Variants in TMEM272 observed in about 807,000 individuals in gnomAD.
TMEM272 encodes long intergenic non-protein coding RNA 282.
In TMEM272, 8 loss-of-function variants were observed where a neutral mutation model predicts 3.7. The observed-to-expected ratio is 2.17, with a 90% CI of 1.27 to 3.91. TMEM272 has a LOEUF of 3.91. Among genes scored for constraint, TMEM272 ranks in the 30% most tolerant of loss-of-function variants. The pLI is 0.00. For missense variants in TMEM272, 166 were observed against 91.5 expected, an observed-to-expected ratio of 1.81 and a Z score of -3.32; for synonymous variants, 63 against 39.8, an observed-to-expected ratio of 1.58 and a Z score of -2.20.
chr13:51,870,070 C>G, the TMEM272 span, among the ~76,000 whole-genome samples: 15 of 152,144 alleles, frequency 9.9e-5, no homozygotes, highest in Non-Finnish European at 1.8e-4. Flanking sequence ...TTTATGGTGG[C>G]TTTTGTGGTT....
chr13:51,901,008 G>A, the TMEM272 span, among the ~76,000 whole-genome samples: 1 of 152,138 alleles, frequency 6.6e-6, no homozygotes, highest in East Asian at 1.9e-4. Context: ...AGAGAAGGGT[G>A]GTGAAAATGT....
rs1188620594 is a variant in TMEM272, at chr13:51,832,141, C to CCCTCACTCACACA, written c.59-5517_59-5516insTGTGTGAGTGAGG. Reference sequence around the variant, plus strand: ...GGTTGCTGGCTCTGGATCCTCACTCCCCTCTTGCAGTGCATTTCAGGGTGG... The same window carrying CCCTCACTCACACA: ...GGTTGCTGGCTCTGGATCCTCACTCCCCTCACTCACACACCTCTTGCAGTGCATTTCAGGGTGG... On this transcript the variant is annotated intron_variant, in intron 2 of 4. Transcript: ENST00000629372. Among the ~76,000 whole-genome samples, 3 of 152,156 alleles carry CCCTCACTCACACA rather than the reference C, an allele frequency of 2.0e-5. No homozygotes were observed. The East Asian group carries it at 5.8e-4, about 29-fold the overall frequency.
At position 51,816,699 on chromosome 13, in the gene TMEM272, GC is replaced by G. The variant is rs1370232141; in HGVS notation, c.*51del. On this transcript the variant is annotated 3_prime_UTR_variant, in exon 5 of 5. Coordinates refer to ENST00000629372, the MANE Select transcript of TMEM272 (RefSeq NM_001351003.2). ...TGTGCGTCTGTGTGTCTGTGTGCAC[GC>G]GCGTGCATGCACACGCATATGCATA... The G allele has an allele frequency of 9.2e-6, 6 of 650,100 alleles. No homozygotes were observed. The highest frequency in any genetic ancestry group is 1.7e-5 in the Non-Finnish European group (6 of 355,332). The allele number at this position is 650,100 out of a possible 1,614,324, so 40.3% of individuals were successfully genotyped here.
At chr13:51,858,485 GT>G in the TMEM272 span, among the ~76,000 whole-genome samples, 4 of 152,202 alleles carry the variant, frequency 2.6e-5, no homozygotes, top group African/African-American at 9.6e-5. Flanking sequence ...GTTAAGCAAT[GT>G]ACTTGTAAAT....
At chr13:51,924,058 C>A in the TMEM272 span, among the ~76,000 whole-genome samples, 1 of 152,344 alleles carries the variant, frequency 6.6e-6, no homozygotes, top group African/African-American at 2.4e-5. Context: ...GAACAACCTA[C>A]TCCTGATCAA....
the TMEM272 span, among the ~76,000 whole-genome samples, chr13:51,851,034 T>C: frequency 6.6e-6 from 1 of 152,152 alleles, no homozygotes; most frequent in African/African-American, 2.4e-5. Flanking sequence ...TATGGTTATG[T>C]TCATGTGTTC....
the TMEM272 span, among the ~76,000 whole-genome samples, chr13:51,929,133 G>A: frequency 2.6e-5 from 4 of 152,252 alleles, no homozygotes; most frequent in East Asian, 7.7e-4. Context: ...GGAGGCGGAG[G>A]TTGCAGTGAG....
the TMEM272 span, among the ~76,000 whole-genome samples, chr13:51,858,396 T>C: frequency 6.6e-6 from 1 of 152,318 alleles, no homozygotes. Flanking sequence ...ACAAACCATA[T>C]ACTTTGTGCA....
intron 2 of TMEM272, among the ~76,000 whole-genome samples, chr13:51,833,731 C>T (rs779399820): frequency 1.1e-4 from 17 of 152,146 alleles, no homozygotes; most frequent in Non-Finnish European, 1.8e-4. Context: ...ACCTCCACTG[C>T]CTGCTTTTGA....
intron 3 of TMEM272, among the ~76,000 whole-genome samples, chr13:51,823,452 G>C (rs1219409520): frequency 6.6e-6 from 1 of 152,264 alleles, no homozygotes. Flanking sequence ...GAAACCATGG[G>C]TGGAGATGGA....
At chr13:51,919,806 C>T in the TMEM272 span, among the ~76,000 whole-genome samples, 7 of 152,246 alleles carry the variant, frequency 4.6e-5, no homozygotes, top group Admixed American at 3.9e-4. Flanking sequence ...CTGCCACCGT[C>T]CCTGTGACAT....
At chr13:51,865,303 TAG>T in the TMEM272 span, 2 of 1,247,100 alleles carry the variant, frequency 1.6e-6, no homozygotes, top group South Asian at 2.9e-5. Flanking sequence ...GTGATACTCA[TAG>T]ATCTGTCTTT....
chr13:51,816,685 GTGTC>G lies in TMEM272; in HGVS notation c.*62_*65del, dbSNP rs367688252. On this transcript the variant is annotated 3_prime_UTR_variant, in exon 5 of 5. Transcript: ENST00000629372. ...TGTGTGTGTGTGTGTGTGCGTCTGT[GTGTC>G]TGTGTGCACGCGCGTGCATGCACAC... 5.8e-4 allele frequency: 374 copies of G among 641,254 alleles called. 1 individual carries two copies. Among genetic ancestry groups the G allele is most frequent in the African/African-American group, 4.1e-3 (229 of 56,032 alleles). 39.7% of individuals were successfully genotyped at this position (641,254 alleles called of 1,614,324 possible).
At chr13:51,862,338 G>A in the TMEM272 span, 3 of 152,166 alleles carry the variant, frequency 2.0e-5, no homozygotes, top group Non-Finnish European at 2.9e-5. Context: ...ACTGAAAACT[G>A]GGCATGTATC....
chr13:51,896,500 C>A, the TMEM272 span, among the ~76,000 whole-genome samples: 1 of 152,170 alleles, frequency 6.6e-6, no homozygotes. Context: ...ATGCTCAGGG[C>A]AGGTCCTGGT....
At chr13:51,891,762 G>T in the TMEM272 span, among the ~76,000 whole-genome samples, 5 of 152,110 alleles carry the variant, frequency 3.3e-5, no homozygotes, top group Admixed American at 6.5e-5. Context: ...ATTCATTTTT[G>T]ATTCGAACCC....
At chr13:51,846,663 A>G (rs536595073), upstream of TMEM272, among the ~76,000 whole-genome samples, 6 of 152,352 alleles carry the variant, frequency 3.9e-5, no homozygotes, top group African/African-American at 1.2e-4. Flanking sequence ...AGGAGATGAC[A>G]GCTCCTGCCT....
chr13:51,837,124 G>A (rs946488041), intron 2 of TMEM272, among the ~76,000 whole-genome samples: 6 of 152,168 alleles, frequency 3.9e-5, no homozygotes, highest in African/African-American at 1.4e-4. Flanking sequence ...CAATCAAGGA[G>A]GCCATCATTA....
At chr13:51,863,215 G>A in the TMEM272 span, among the ~76,000 whole-genome samples, 8 of 152,364 alleles carry the variant, frequency 5.3e-5, no homozygotes, top group Middle Eastern at 6.8e-3. Flanking sequence ...ATTTGGAGTT[G>A]GGTGCAGGCT....
Sources: allele counts gnomAD v4.1 joint callset (sites outside exome capture counted in the v4.1 genomes callset), GRCh38; gene constraint gnomAD v4.1.1; transcripts MANE v1.5; gene names NCBI Gene and HGNC (gene_info 2026-07-23, HGNC 2026-07-21).